The following RPRD1B variants were observed in gnomAD, a reference collection of about 807,000 sequenced individuals.
RPRD1B encodes the protein regulation of nuclear pre-mRNA domain containing 1B.
RPRD1B carries 11 observed loss-of-function variants against 41.5 expected under a neutral mutation model. That is an observed-to-expected ratio of 0.27 (90% CI 0.17 to 0.44). The LOEUF (loss-of-function observed/expected upper bound fraction) is 0.44. RPRD1B is among the 20% of genes least tolerant of loss of function. RPRD1B has a pLI of 1.00. For missense variants in RPRD1B, 248 were observed against 389.9 expected, an observed-to-expected ratio of 0.64 and a Z score of 3.06; for synonymous variants, 158 against 155.6, an observed-to-expected ratio of 1.02 and a Z score of -0.12.
intron 3 of RPRD1B, among the ~76,000 whole-genome samples, chr20:38,055,898 T>C (rs2122719351): frequency 6.6e-6 from 1 of 152,230 alleles, no homozygotes; most frequent in East Asian, 1.9e-4. Flanking sequence ...AGCAGCAAAA[T>C]TTGTACTTTA....
intron 5 of RPRD1B, among the ~76,000 whole-genome samples, chr20:38,060,711 A>G (rs908942124): frequency 6.6e-6 from 1 of 152,126 alleles, no homozygotes; most frequent in Non-Finnish European, 1.5e-5. Context: ...GAGTCACGCA[A>G]GAAGCATCTC....
chr20:38,090,054 A>G lies in RPRD1B; in HGVS notation c.*179A>G. 1 of 1,350,656 alleles carries G rather than the reference A, an allele frequency of 7.4e-7. No homozygotes were observed. The highest frequency in any genetic ancestry group is 9.5e-7 in the Non-Finnish European group (1 of 1,050,100). The allele number at this position is 1,350,656 out of a possible 1,614,324, so 83.7% of individuals were successfully genotyped here. ...GCCTCTCATCTTGAGCACAGTTCAGAACAGTGGCGACTGGAATCTGGTTTA... is the reference window on the plus strand; with the variant it reads ...GCCTCTCATCTTGAGCACAGTTCAGGACAGTGGCGACTGGAATCTGGTTTA... On this transcript the variant is annotated 3_prime_UTR_variant, in exon 7 of 7. Coordinates refer to ENST00000373433, the MANE Select transcript of RPRD1B (RefSeq NM_021215.4).
At position 38,033,933 on chromosome 20, in the gene RPRD1B, C is replaced by T. The variant is rs753085733; in HGVS notation, c.-15C>T. On this transcript the variant is annotated 5_prime_UTR_variant, in exon 1 of 7. Transcript: ENST00000373433. ...CGGCCCAGGCCGCTCCCTGCCGGGC[C>T]TCACTGCCGCCACCATGTCCTCCTT... 2.9e-5 allele frequency: 47 copies of T among 1,601,338 alleles called. 1 individual carries two copies. In the East Asian group the frequency reaches 9.4e-4, roughly 32 times the overall value.
chr20:38,091,671 T>C lies in RPRD1B; in HGVS notation c.*1796T>C. 1.0e-6 allele frequency: 1 copy of C among 985,532 alleles called. No individual in the cohort carries two copies. The highest frequency in any genetic ancestry group is 1.2e-6 in the Non-Finnish European group (1 of 829,984). 61.0% of individuals were successfully genotyped at this position (985,532 alleles called of 1,614,324 possible). A position where few individuals can be genotyped will look rare whatever the true frequency, so the allele number is the denominator to read the frequency against. ...TGGTGTGCTGCTTTCTAGATGAGCG[T>C]GTTTTGGAGCAGGCCCATCTGGGAC... is the stretch of plus-strand genomic sequence containing the variant. On this transcript the variant is annotated 3_prime_UTR_variant, in exon 7 of 7. Coordinates refer to ENST00000373433, the MANE Select transcript of RPRD1B (RefSeq NM_021215.4).
Position 38,090,389 on chromosome 20 carries a change from A to G in RPRD1B, c.*514A>G, listed in dbSNP as rs1234178942. 1 of 986,146 alleles carries G rather than the reference A, an allele frequency of 1.0e-6. No individual in the cohort carries two copies. The highest frequency in any genetic ancestry group is 4.7e-5 in the South Asian group (1 of 21,306). The allele number at this position is 986,146 out of a possible 1,614,324, so 61.1% of individuals were successfully genotyped here. ...GGCACAGCTGTCGTAGCGTTGCCAT[A>G]AAGAGTTTGCCAAATCTCTGATCCT... On this transcript the variant is annotated 3_prime_UTR_variant, in exon 7 of 7. Transcript: ENST00000373433.
At chr20:38,044,683 A>T (rs1373954074) in intron 2 of RPRD1B, among the ~76,000 whole-genome samples, 1 of 152,110 alleles carries the variant, frequency 6.6e-6, no homozygotes, top group Non-Finnish European at 1.5e-5. Context: ...TCAGGTGTTC[A>T]TTAAGAACCG....
intron 6 of RPRD1B, among the ~76,000 whole-genome samples, chr20:38,079,486 T>A (rs924480722): frequency 6.6e-6 from 1 of 152,188 alleles, no homozygotes; most frequent in Non-Finnish European, 1.5e-5. Flanking sequence ...AATGTTTAGC[T>A]CCCAACTTAT....
At chr20:38,077,641 T>C (rs909710992) in intron 6 of RPRD1B, among the ~76,000 whole-genome samples, 9 of 152,152 alleles carry the variant, frequency 5.9e-5, no homozygotes, top group African/African-American at 1.9e-4. Flanking sequence ...CAATTTTTCA[T>C]GAATCTGCCT....
Position 38,090,857 on chromosome 20 carries a change from A to G in RPRD1B, c.*982A>G. The G allele has an allele frequency of 2.0e-6, 2 of 985,438 alleles. No individual in the cohort carries two copies. Among genetic ancestry groups the G allele is most frequent in the South Asian group, 4.7e-5 (1 of 21,282 alleles). The allele number at this position is 985,438 out of a possible 1,614,324, so 61.0% of individuals were successfully genotyped here. ...TCCACAGTACGGTGGCTAAACTCGA[A>G]CATCACTGCAAATAGGACGCTGAGC... is the stretch of plus-strand genomic sequence containing the variant. On this transcript the variant is annotated 3_prime_UTR_variant, in exon 7 of 7. Coordinates refer to ENST00000373433, the MANE Select transcript of RPRD1B (RefSeq NM_021215.4).
intron 5 of RPRD1B, among the ~76,000 whole-genome samples, chr20:38,064,985 C>CAA (rs35993264): frequency 5.5e-5 from 6 of 109,340 alleles, no homozygotes; most frequent in African/African-American, 1.7e-4. Flanking sequence ...GACACCATCT[C>CAA]AAAAAAAAAA....
At chr20:38,072,232 C>T (rs1309707824) in intron 6 of RPRD1B, among the ~76,000 whole-genome samples, 23 of 152,064 alleles carry the variant, frequency 1.5e-4, no homozygotes, top group Admixed American at 1.5e-3. Flanking sequence ...ATTCTTTTGC[C>T]TGTAGATATC....
At chr20:38,075,571 A>G (rs1022569134) in intron 6 of RPRD1B, among the ~76,000 whole-genome samples, 4 of 152,208 alleles carry the variant, frequency 2.6e-5, no homozygotes, top group African/African-American at 9.6e-5. Flanking sequence ...TGTTCTTACT[A>G]CTGTTAAGGT....
chr20:38,061,002 A>G (rs1355282408), intron 5 of RPRD1B, among the ~76,000 whole-genome samples: 1 of 152,242 alleles, frequency 6.6e-6, no homozygotes, highest in Non-Finnish European at 1.5e-5. Flanking sequence ...CAAAATCATA[A>G]TCTGCAAAAA....
chr20:38,079,428 G>T (rs1375969870), intron 6 of RPRD1B, among the ~76,000 whole-genome samples: 1 of 152,086 alleles, frequency 6.6e-6, no homozygotes, highest in Non-Finnish European at 1.5e-5. Flanking sequence ...CCACCCTCAA[G>T]TAGTCCCGGG....
chr20:38,042,318 C>T (rs1384305016), intron 2 of RPRD1B, among the ~76,000 whole-genome samples: 3 of 152,154 alleles, frequency 2.0e-5, no homozygotes, highest in Non-Finnish European at 4.4e-5. Context: ...CATACCACTG[C>T]ACTCCAGGTT....
chr20:38,078,418 C>T (rs1478445859), intron 6 of RPRD1B, among the ~76,000 whole-genome samples: 1 of 152,202 alleles, frequency 6.6e-6, no homozygotes, highest in East Asian at 1.9e-4. Context: ...ATTTGTATCT[C>T]ATGTCAAACA....
At chr20:38,050,703 G>C (rs2074176540) in intron 3 of RPRD1B, among the ~76,000 whole-genome samples, 1 of 152,194 alleles carries the variant, frequency 6.6e-6, no homozygotes, top group African/African-American at 2.4e-5. Context: ...GATAGTATTG[G>C]GAATAGCTTC....
At chr20:38,073,930 G>C (rs895156400) in intron 6 of RPRD1B, among the ~76,000 whole-genome samples, 8 of 152,162 alleles carry the variant, frequency 5.3e-5, no homozygotes, top group African/African-American at 1.9e-4. Context: ...CCTCCTCTCA[G>C]TCCTCTAAAC....
chr20:38,066,048 T>A, intron 5 of RPRD1B, 33 bp from the exon 6 acceptor site: 1 of 1,605,508 alleles, frequency 6.2e-7, no homozygotes. Context: ...GATTTGTATA[T>A]TTTCTCTATT....
Sources: gnomAD v4.1 joint callset for allele counts (sites outside exome capture counted in the v4.1 genomes callset) on GRCh38, gnomAD v4.1.1 for gene constraint, MANE v1.5 for transcripts, NCBI Gene and HGNC (gene_info 2026-07-23, HGNC 2026-07-21) for gene names.